The following ASCC3 variants were observed in gnomAD, a reference collection of about 807,000 sequenced individuals.
ASCC3 encodes ASC-1 complex subunit P200.
In ASCC3, 158 loss-of-function variants were observed where a neutral mutation model predicts 256.3. That is an observed-to-expected ratio of 0.62 (90% CI 0.54 to 0.70). The LOEUF is 0.70. Among genes scored for constraint, ASCC3 ranks in the 30% least tolerant of loss-of-function variants. The probability of loss-of-function intolerance (pLI) is 0.00; values close to 1 mark genes in which losing one functional copy is unlikely to be tolerated. For synonymous variants in ASCC3, 948 were observed against 883.4 expected (o/e 1.07, Z -1.30); for missense variants, 2,259 against 2,626.0 (o/e 0.86, Z 3.05).
At chr6:100,816,192 T>A (rs533893328) in intron 4 of ASCC3, among the ~76,000 whole-genome samples, 11 of 151,848 alleles carry the variant, frequency 7.2e-5, no homozygotes, top group African/African-American at 2.7e-4. Context: ...GAAATGAAAA[T>A]CAAAACCACA....
intron 37 of ASCC3, among the ~76,000 whole-genome samples, chr6:100,535,355 T>C (rs1775107072): frequency 6.6e-6 from 1 of 152,126 alleles, no homozygotes; most frequent in Admixed American, 6.5e-5. Flanking sequence ...TCTCCAAGTT[T>C]CCCATTGGCA....
chr6:100,642,333 T>C (rs1480506366), intron 24 of ASCC3, among the ~76,000 whole-genome samples: 1 of 152,158 alleles, frequency 6.6e-6, no homozygotes, highest in Non-Finnish European at 1.5e-5. Flanking sequence ...CATAACTCAC[T>C]GGTATGTTAG....
chr6:100,564,850 T>C (rs1199981140), intron 36 of ASCC3, among the ~76,000 whole-genome samples: 1 of 152,174 alleles, frequency 6.6e-6, no homozygotes, highest in African/African-American at 2.4e-5. Flanking sequence ...GAATAAGTTG[T>C]AGAAGAAGGA....
intron 18 of ASCC3, 113 bp downstream of exon 18, chr6:100,652,612 G>C: frequency 8.5e-7 from 1 of 1,172,888 alleles, no homozygotes; most frequent in South Asian, 1.3e-5. Flanking sequence ...ATTCATATAA[G>C]TTAAATGGAT....
At chr6:100,552,914 T>C (rs1406556593) in intron 36 of ASCC3, among the ~76,000 whole-genome samples, 1 of 151,976 alleles carries the variant, frequency 6.6e-6, no homozygotes, top group African/African-American at 2.4e-5. Context: ...GGAGATGATA[T>C]TTTGATTATG....
intron 10 of ASCC3, among the ~76,000 whole-genome samples, chr6:100,726,026 A>G (rs1162865755): frequency 6.6e-6 from 1 of 151,202 alleles, no homozygotes; most frequent in African/African-American, 2.4e-5. Flanking sequence ...ACTATTTTTT[A>G]AAGTAGCATA....
At chr6:100,701,005 A>G (rs1014567328) in intron 13 of ASCC3, among the ~76,000 whole-genome samples, 8 of 152,140 alleles carry the variant, frequency 5.3e-5, no homozygotes, top group African/African-American at 1.9e-4. Context: ...GGGAGGGGCC[A>G]GGGTGGAATG....
rs565739883 is a variant in ASCC3 at position 100,783,065 on chromosome 6, A to G, written c.1395+15648T>C. On this transcript the variant is annotated intron_variant, in intron 8 of 41. Coordinates refer to ENST00000369162, the MANE Select transcript of ASCC3 (RefSeq NM_006828.4). ...TTTAAGAAATGGAAAAACTAAAAAC[A>G]TGTCTGATTTAGTGGAAAAGCCTAA... 3.9e-5 allele frequency among the ~76,000 whole-genome samples: 6 copies of G among 152,264 alleles called. No homozygotes were observed. The South Asian group carries it at 6.2e-4, about 16-fold the overall frequency.
chr6:100,701,709 G>A (rs1228711352), intron 13 of ASCC3, among the ~76,000 whole-genome samples: 6 of 152,044 alleles, frequency 3.9e-5, no homozygotes, highest in African/African-American at 7.2e-5. Context: ...CTGGAATTAC[G>A]AATAAGATAT....
chr6:100,554,165 T>C (rs1014169740), intron 36 of ASCC3, among the ~76,000 whole-genome samples: 14 of 152,186 alleles, frequency 9.2e-5, no homozygotes, highest in Admixed American at 5.9e-4. Context: ...AAGAAACAAA[T>C]GATTAAATAC....
rs1052468982 is a variant in ASCC3, at chr6:100,607,326, GA to G, written c.4786-239del. 2.4e-4 allele frequency among the ~76,000 whole-genome samples: 37 copies of G among 151,354 alleles called. 1 individual carries two copies. The highest frequency in any genetic ancestry group is 1.9e-3 in the East Asian group (10 of 5,160). On this transcript the variant is annotated intron_variant, in intron 30 of 41. Transcript: ENST00000369162. The stretch of plus-strand genomic sequence containing the variant: ...TATCCATCTTATTTTTATGCATCAA[GA>G]AAAAAAATCTGTAGATAAATGATAT...
chr6:100,640,262 A>G (rs763502000), intron 24 of ASCC3, among the ~76,000 whole-genome samples: 1 of 152,222 alleles, frequency 6.6e-6, no homozygotes, highest in East Asian at 1.9e-4. Flanking sequence ...TTGCATATTT[A>G]CTGATGATGT....
Position 100,645,919 on chromosome 6 carries a change from GGA to G in ASCC3, c.3633+694_3633+695del, listed in dbSNP as rs576496726. On this transcript the variant is annotated intron_variant, in intron 22 of 41. Transcript: ENST00000369162. Reference sequence around the variant, plus strand: ...CAACCCATCAGTCTTTGGAGATCATGGAGAAAGTAGTCTCAGCAGCAAAGAAA... The same window carrying G: ...CAACCCATCAGTCTTTGGAGATCATGGAAAGTAGTCTCAGCAGCAAAGAAA... 1.7e-4 allele frequency among the ~76,000 whole-genome samples: 26 copies of G among 152,156 alleles called. No individual in the cohort carries two copies. In the East Asian group the frequency reaches 5.0e-3, roughly 29 times the overall value.
chr6:100,520,436 T>TC, intron 37 of ASCC3, among the ~76,000 whole-genome samples: 1 of 146,418 alleles, frequency 6.8e-6, no homozygotes, highest in African/African-American at 2.6e-5. Flanking sequence ...TTCTTCTTCT[T>TC]TTTTTTTTTT....
intron 13 of ASCC3, among the ~76,000 whole-genome samples, chr6:100,686,175 A>G (rs1431904746): frequency 6.6e-6 from 1 of 152,212 alleles, no homozygotes; most frequent in Non-Finnish European, 1.5e-5. Context: ...GTTGTGAGAA[A>G]TGAGACAATA....
intron 8 of ASCC3, among the ~76,000 whole-genome samples, chr6:100,795,371 G>A (rs1232767658): frequency 4.0e-5 from 6 of 151,838 alleles, no homozygotes; most frequent in Admixed American, 3.9e-4. Context: ...AGGAAAAGAG[G>A]GGAGGAAAAA....
At chr6:100,561,623 C>T (rs1769958181) in intron 36 of ASCC3, among the ~76,000 whole-genome samples, 1 of 152,058 alleles carries the variant, frequency 6.6e-6, no homozygotes, top group African/African-American at 2.4e-5. Flanking sequence ...CTCATTCCTT[C>T]CTTCTTCACT....
At chr6:100,604,960 A>G (rs1268043151) in intron 33 of ASCC3, among the ~76,000 whole-genome samples, 1 of 152,114 alleles carries the variant, frequency 6.6e-6, no homozygotes, top group Non-Finnish European at 1.5e-5. Context: ...GGTTATTTTC[A>G]GCTGAGAATA....
chr6:100,683,867 G>A (rs1006571255), intron 13 of ASCC3, among the ~76,000 whole-genome samples: 30 of 151,880 alleles, frequency 2.0e-4, no homozygotes, highest in African/African-American at 7.3e-4. Flanking sequence ...TTATGGAAAA[G>A]TTCACATAGA....
Sources: gnomAD v4.1 joint callset for allele counts (sites outside exome capture counted in the v4.1 genomes callset) on GRCh38, gnomAD v4.1.1 for gene constraint, MANE v1.5 for transcripts, NCBI Gene and HGNC (gene_info 2026-07-23, HGNC 2026-07-21) for gene names.